The following WDR88 variants were observed in gnomAD, a reference collection of about 807,000 sequenced individuals.
WDR88 encodes WD repeat-containing protein 88.
WDR88 carries 40 observed loss-of-function variants against 46.8 expected under a neutral mutation model. The observed-to-expected ratio is 0.86, with a 90% CI of 0.66 to 1.11. The LOEUF is 1.11. WDR88 is among the 50% of genes most tolerant of loss of function. The pLI is 0.00. For synonymous variants in WDR88, 235 were observed against 240.7 expected, an observed-to-expected ratio of 0.98 and a Z score of 0.22; for missense variants, 562 against 602.4, an observed-to-expected ratio of 0.93 and a Z score of 0.70.
chr19:33,156,778 A>C (rs1973744109), intron 7 of WDR88, among the ~76,000 whole-genome samples: 1 of 152,214 alleles, frequency 6.6e-6, no homozygotes, highest in South Asian at 2.1e-4. Context: ...CCTGTAATGG[A>C]AAAGTCCAAG....
chr19:33,140,066 G>A (rs918722607), intron 2 of WDR88, among the ~76,000 whole-genome samples: 2 of 152,166 alleles, frequency 1.3e-5, no homozygotes, highest in Non-Finnish European at 2.9e-5. Flanking sequence ...GGCCCACAGA[G>A]CCCAGAGCCT....
intron 2 of WDR88, among the ~76,000 whole-genome samples, chr19:33,140,593 C>G (rs1442661822): frequency 6.6e-6 from 1 of 152,136 alleles, no homozygotes; most frequent in African/African-American, 2.4e-5. Context: ...AGTTCAAGAC[C>G]AGCCTGACCA....
intron 10 of WDR88, 38 bp downstream of exon 10, chr19:33,172,478 C>A: frequency 6.7e-7 from 1 of 1,490,790 alleles, no homozygotes; most frequent in Non-Finnish European, 9.3e-7. Context: ...TGAAGGCTTT[C>A]GTTAGTTCCC....
chr19:33,168,032 C>CTTTCTT lies in WDR88; in HGVS notation c.1149+3770_1149+3771insCTTTTT, dbSNP rs544368936. ...CATGCCCAGCCAAAATGATTTCTTT[C>CTTTCTT]TTTTTTTTTTTTTGAGATGGAGTCT... On this transcript the variant is annotated intron_variant, in intron 9 of 10. Coordinates refer to ENST00000355868, the MANE Select transcript of WDR88 (RefSeq NM_173479.4). 7.0e-3 allele frequency among the ~76,000 whole-genome samples: 966 copies of CTTTCTT among 137,770 alleles called. 5 individuals carry two copies. The highest frequency in any genetic ancestry group is 9.9e-3 in the South Asian group (43 of 4,332). The allele number at this position is 137,770 out of a possible 152,430, so 90.4% of individuals were successfully genotyped here.
chr19:33,147,511 G>C, intron 3 of WDR88, 134 bp from the exon 4 acceptor site: 1 of 709,310 alleles, frequency 1.4e-6, no homozygotes, highest in Non-Finnish European at 2.3e-6. Context: ...GCTGTGGCAG[G>C]AGGGTCGTTT....
intron 9 of WDR88, among the ~76,000 whole-genome samples, chr19:33,170,016 T>C (rs1974012033): frequency 6.6e-6 from 1 of 152,100 alleles, no homozygotes; most frequent in South Asian, 2.1e-4. Context: ...TAGCTGGGAT[T>C]ACAGGCATGC....
At chr19:33,160,253 A>G (rs1359747101) in intron 7 of WDR88, among the ~76,000 whole-genome samples, 161 bp from the exon 8 acceptor site, 1 of 152,152 alleles carries the variant, frequency 6.6e-6, no homozygotes, top group Non-Finnish European at 1.5e-5. Flanking sequence ...GATAAGAATC[A>G]GCTGTAATTG....
At chr19:33,165,977 T>G (rs537130875) in intron 9 of WDR88, among the ~76,000 whole-genome samples, 1 of 151,974 alleles carries the variant, frequency 6.6e-6, no homozygotes, top group African/African-American at 2.4e-5. Context: ...AAAAAAATCT[T>G]GGCTGGGCAT....
chr19:33,166,033 G>A (rs1370749184), intron 9 of WDR88, among the ~76,000 whole-genome samples: 1 of 152,076 alleles, frequency 6.6e-6, no homozygotes, highest in African/African-American at 2.4e-5. Flanking sequence ...GTTAAGGTGG[G>A]AGGATCGCTT....
intron 5 of WDR88, among the ~76,000 whole-genome samples, chr19:33,150,465 T>C (rs1341229652): frequency 6.6e-6 from 1 of 152,150 alleles, no homozygotes; most frequent in African/African-American, 2.4e-5. Context: ...AAAAAAATCA[T>C]TCATTATGTA....
intron 6 of WDR88, among the ~76,000 whole-genome samples, chr19:33,153,229 G>GGT (rs1301189607): frequency 3.1e-5 from 4 of 129,516 alleles, no homozygotes; most frequent in African/African-American, 5.6e-5. Flanking sequence ...TTTTAAGTTT[G>GGT]TTTTTTTTTT....
intron 3 of WDR88, among the ~76,000 whole-genome samples, chr19:33,145,708 T>A (rs553000957): frequency 6.6e-6 from 1 of 152,096 alleles, no homozygotes; most frequent in South Asian, 2.1e-4. Context: ...CTAATTTTTT[T>A]ATTTTTAGTA....
At chr19:33,147,062 A>T (rs1421092361) in intron 3 of WDR88, among the ~76,000 whole-genome samples, 2 of 150,832 alleles carry the variant, frequency 1.3e-5, no homozygotes, top group Non-Finnish European at 3.0e-5. Context: ...CTCTAAGGAA[A>T]AAAAAAAAAA....
chr19:33,160,009 C>T (rs1330792584), intron 7 of WDR88, among the ~76,000 whole-genome samples: 1 of 152,014 alleles, frequency 6.6e-6, no homozygotes, highest in Non-Finnish European at 1.5e-5. Context: ...CCGCAGTTCA[C>T]AATAGGGTTC....
chr19:33,158,095 C>G (rs895857541), intron 7 of WDR88, among the ~76,000 whole-genome samples: 2 of 152,068 alleles, frequency 1.3e-5, no homozygotes, highest in Non-Finnish European at 2.9e-5. Context: ...GAAGCCACCG[C>G]GGCTAGCCAG....
At chr19:33,162,293 T>C (rs10413552) in intron 8 of WDR88, among the ~76,000 whole-genome samples, 80,007 of 151,948 alleles carry the variant, frequency 0.53, 25,631 homozygotes, top group African/African-American at 0.88. Context: ...TTCCGCCTCC[T>C]GGGTTCACAC....
intron 2 of WDR88, among the ~76,000 whole-genome samples, chr19:33,140,695 C>T (rs911052401): frequency 6.6e-6 from 1 of 151,914 alleles, no homozygotes; most frequent in African/African-American, 2.4e-5. Flanking sequence ...GAGGCTGAGA[C>T]AGGAGAATTG....
intron 8 of WDR88, 82 bp from the exon 9 acceptor site, chr19:33,164,115 G>A: frequency 7.4e-7 from 1 of 1,342,562 alleles, no homozygotes; most frequent in African/African-American, 1.4e-5. Context: ...TTACAGGTGT[G>A]AGCCACTACA....
chr19:33,134,044 T>C (rs931466724), intron 1 of WDR88, among the ~76,000 whole-genome samples: 4 of 152,256 alleles, frequency 2.6e-5, no homozygotes, highest in African/African-American at 9.6e-5. Context: ...ATTTGTGGAA[T>C]ATGTGAATGA....
Sources: gnomAD v4.1 joint callset for allele counts (sites outside exome capture counted in the v4.1 genomes callset) on GRCh38, gnomAD v4.1.1 for gene constraint, MANE v1.5 for transcripts, NCBI Gene and HGNC (gene_info 2026-07-23, HGNC 2026-07-21) for gene names.